IL15: variants seen among roughly 807,000 people sequenced by gnomAD.
IL15 encodes the protein interleukin 15.
IL15 carries 11 observed loss-of-function variants against 19.6 expected under a neutral mutation model. The ratio of observed to expected loss-of-function variants is 0.56; its 90% CI spans 0.35 to 0.93. The LOEUF (loss-of-function observed/expected upper bound fraction) is 0.93, where lower values mean the gene tolerates loss of function less well. Among genes scored for constraint, IL15 ranks in the 40% least tolerant of loss-of-function variants. The pLI, the probability that IL15 is intolerant of heterozygous loss-of-function variation, is 0.01. For synonymous variants in IL15, 58 were observed against 59.6 expected (o/e 0.97, Z 0.12); for missense variants, 197 against 186.5 (o/e 1.06, Z -0.33).
At chr4:141,698,151 A>G (rs1203519067) in intron 2 of IL15, among the ~76,000 whole-genome samples, 13 of 152,044 alleles carry the variant, frequency 8.6e-5, no homozygotes, top group African/African-American at 3.1e-4. Flanking sequence ...ATTGACTTGC[A>G]TGTGTTAAAC....
intron 2 of IL15, among the ~76,000 whole-genome samples, chr4:141,692,007 A>G (rs1000550451): frequency 3.3e-5 from 5 of 152,220 alleles, no homozygotes; most frequent in African/African-American, 1.2e-4. Context: ...GTTGATGTCT[A>G]GGCATTTCCA....
At chr4:141,662,229 C>G (rs563154704) in intron 2 of IL15, among the ~76,000 whole-genome samples, 2 of 152,338 alleles carry the variant, frequency 1.3e-5, no homozygotes, top group East Asian at 3.9e-4. Context: ...ATTGTTTTTT[C>G]CACATCTACT....
In IL15 at chr4:141,672,428, T is replaced by C. The variant is rs571446216; in HGVS notation, c.-100+16121T>C. On this transcript the variant is annotated intron_variant, in intron 2 of 7. Coordinates refer to ENST00000320650, the MANE Select transcript of IL15 (RefSeq NM_000585.5). ...GTGTGACTTTGTTTTCTTTTTATTTTAATCAAGTAGTTTCAATATCATTTC... is the reference window on the plus strand; with the variant it reads ...GTGTGACTTTGTTTTCTTTTTATTTCAATCAAGTAGTTTCAATATCATTTC... Among the ~76,000 whole-genome samples the C allele has an allele frequency of 6.8e-4, 103 of 152,216 alleles. 1 individual carries two copies. The highest frequency in any genetic ancestry group is 1.3e-3 in the Non-Finnish European group (91 of 68,028).
chr4:141,714,560 C>A (rs1729812283), intron 2 of IL15: 1 of 152,218 alleles, frequency 6.6e-6, no homozygotes, highest in Admixed American at 6.5e-5. Flanking sequence ...TCCATCTAAC[C>A]CCTAAAAGTG....
At chr4:141,661,908 T>C (rs544852955) in intron 2 of IL15, among the ~76,000 whole-genome samples, 1 of 152,362 alleles carries the variant, frequency 6.6e-6, no homozygotes, top group African/African-American at 2.4e-5. Flanking sequence ...GATGATGTCT[T>C]ACCCGTCATA....
intron 2 of IL15, among the ~76,000 whole-genome samples, chr4:141,677,733 C>T: frequency 6.6e-6 from 1 of 152,208 alleles, no homozygotes; most frequent in East Asian, 1.9e-4. Flanking sequence ...CCTTCTCCTA[C>T]CAGCCAGATA....
chr4:141,692,156 C>T (rs894715106), intron 2 of IL15, among the ~76,000 whole-genome samples: 13 of 152,248 alleles, frequency 8.5e-5, no homozygotes, highest in African/African-American at 3.1e-4. Context: ...GTGCCTTGGT[C>T]CCTTTTAGCC....
intron 2 of IL15, among the ~76,000 whole-genome samples, chr4:141,710,904 T>C (rs1437363725): frequency 6.6e-6 from 1 of 152,172 alleles, no homozygotes; most frequent in Non-Finnish European, 1.5e-5. Context: ...TTCCTCCTCT[T>C]CCTTTTCCTA....
Position 141,698,319 on chromosome 4 carries a change from T to C in IL15, c.-99-21047T>C, listed in dbSNP as rs149530953. ...TTTTCTTTTTTTGTTTTGTTCTTTCTGGGTTTTGGTATTAGGGTGATACTG... is the reference window on the plus strand; with the variant it reads ...TTTTCTTTTTTTGTTTTGTTCTTTCCGGGTTTTGGTATTAGGGTGATACTG... On this transcript the variant is annotated intron_variant, in intron 2 of 7. Transcript: ENST00000320650. Among the ~76,000 whole-genome samples the C allele has an allele frequency of 4.5e-3, 682 of 152,152 alleles. 9 individuals carry two copies. The highest frequency in any genetic ancestry group is 0.014 in the African/African-American group (578 of 41,558).
At chr4:141,671,810 A>G (rs1267066449) in intron 2 of IL15, among the ~76,000 whole-genome samples, 1 of 152,208 alleles carries the variant, frequency 6.6e-6, no homozygotes, top group African/African-American at 2.4e-5. Context: ...GACATAAATC[A>G]TAGCTAGCCC....
At chr4:141,668,333 T>C (rs1390948625) in intron 2 of IL15, among the ~76,000 whole-genome samples, 9 of 152,216 alleles carry the variant, frequency 5.9e-5, no homozygotes, top group Admixed American at 4.6e-4. Flanking sequence ...TTTATGCCAC[T>C]TGGCCACTGC....
intron 2 of IL15, among the ~76,000 whole-genome samples, chr4:141,662,250 TGAC>T (rs956099550): frequency 1.3e-5 from 2 of 152,254 alleles, no homozygotes; most frequent in African/African-American, 2.4e-5. Context: ...CTGTCCTTGT[TGAC>T]TTTTTCTTTT....
chr4:141,719,281 G>A (rs989685574), intron 2 of IL15, 85 bp from the exon 3 acceptor site: 41 of 480,634 alleles, frequency 8.5e-5, no homozygotes, highest in Middle Eastern at 2.9e-4. Context: ...TTATTAAAAG[G>A]TAGGTGTTCA....
intron 2 of IL15, among the ~76,000 whole-genome samples, chr4:141,689,667 G>C (rs1728841760): frequency 6.6e-6 from 1 of 152,170 alleles, no homozygotes; most frequent in Non-Finnish European, 1.5e-5. Flanking sequence ...GCTAGACACA[G>C]GGTGCTGATT....
intron 7 of IL15, 101 bp from the exon 8 acceptor site, chr4:141,732,637 A>T (rs998773210): frequency 6.9e-7 from 1 of 1,458,046 alleles, no homozygotes; most frequent in African/African-American, 1.5e-5. Context: ...ATATCTCAAG[A>T]CCTCACCATA....
At chr4:141,705,330 T>C (rs1484769682) in intron 2 of IL15, among the ~76,000 whole-genome samples, 2 of 152,016 alleles carry the variant, frequency 1.3e-5, no homozygotes, top group Non-Finnish European at 2.9e-5. Context: ...ACTTCCCTCA[T>C]TGACCCATTG....
chr4:141,703,736 G>GA (rs569683867), intron 2 of IL15, among the ~76,000 whole-genome samples: 11,700 of 92,648 alleles, frequency 0.13, 752 homozygotes, highest in African/African-American at 0.19. Context: ...CTGCTATCTT[G>GA]AAAAAAAAAA....
At position 141,644,024 on chromosome 4, in the gene IL15, C is replaced by T. The variant is rs553988428; in HGVS notation, c.-222+7276C>T. 1.1e-4 allele frequency among the ~76,000 whole-genome samples: 17 copies of T among 151,920 alleles called. 1 individual carries two copies. Among genetic ancestry groups the T allele is most frequent in the African/African-American group, 3.6e-4 (15 of 41,440 alleles). On this transcript the variant is annotated intron_variant, in intron 1 of 7. Coordinates refer to ENST00000320650, the MANE Select transcript of IL15 (RefSeq NM_000585.5). ...CAATCTATCTTGGGTTTGTCCTTAACGTCTCTTTATGTCATATTCCACGTT... is the reference window on the plus strand; with the variant it reads ...CAATCTATCTTGGGTTTGTCCTTAATGTCTCTTTATGTCATATTCCACGTT...
Position 141,664,701 on chromosome 4 carries a change from T to A in IL15, c.-100+8394T>A, listed in dbSNP as rs553910991. On this transcript the variant is annotated intron_variant, in intron 2 of 7. Coordinates refer to ENST00000320650, the MANE Select transcript of IL15 (RefSeq NM_000585.5). ...GTATATATTTCTAAATTTGCTTGCGTTTTATAAAGAAACTTTCAAGGAAGC... is the reference window on the plus strand; with the variant it reads ...GTATATATTTCTAAATTTGCTTGCGATTTATAAAGAAACTTTCAAGGAAGC... Among the ~76,000 whole-genome samples, 242 of 152,296 alleles carry A rather than the reference T, an allele frequency of 1.6e-3. 2 individuals carry two copies. Among genetic ancestry groups the A allele is most frequent in the African/African-American group, 5.6e-3 (234 of 41,560 alleles).
Sources: allele counts gnomAD v4.1 joint callset (sites outside exome capture counted in the v4.1 genomes callset), GRCh38; gene constraint gnomAD v4.1.1; transcripts MANE v1.5; gene names NCBI Gene and HGNC (gene_info 2026-07-23, HGNC 2026-07-21).